The following STK32B variants were observed in gnomAD, a reference collection of about 807,000 sequenced individuals.
The protein encoded by STK32B is serine/threonine-protein kinase 32B.
A neutral mutation model predicts 52.6 loss-of-function variants in STK32B; 43 were observed. The ratio of observed to expected loss-of-function variants is 0.82; its 90% confidence interval spans 0.64 to 1.05. STK32B has a LOEUF of 1.05. STK32B is among the 50% of genes least tolerant of loss of function. The probability of loss-of-function intolerance (pLI) is 0.00; values close to 1 mark genes in which losing one functional copy is unlikely to be tolerated. For synonymous variants in STK32B, 238 were observed against 204.3 expected (o/e 1.17, Z -1.41); for missense variants, 621 against 534.6 (o/e 1.16, Z -1.59).
intron 11 of STK32B, among the ~76,000 whole-genome samples, chr4:5,489,288 G>A (rs114190048): frequency 6.6e-6 from 1 of 152,106 alleles, no homozygotes; most frequent in Non-Finnish European, 1.5e-5. Context: ...ATCATTTCAA[G>A]TTTTTTCTCT....
At chr4:5,373,285 T>C (rs1735374449) in intron 4 of STK32B, among the ~76,000 whole-genome samples, 1 of 152,172 alleles carries the variant, frequency 6.6e-6, no homozygotes, top group African/African-American at 2.4e-5. Context: ...CTGTGGAGAC[T>C]GGCAAGTCCC....
chr4:5,462,990 C>G (rs375376253), intron 9 of STK32B, among the ~76,000 whole-genome samples: 2 of 152,196 alleles, frequency 1.3e-5, no homozygotes, highest in East Asian at 3.9e-4. Context: ...AGGTTTGGGT[C>G]TCTTCTGCCG....
intron 2 of STK32B, among the ~76,000 whole-genome samples, chr4:5,166,905 A>G (rs1161627746): frequency 6.6e-6 from 1 of 152,084 alleles, no homozygotes; most frequent in Admixed American, 6.5e-5. Context: ...AGACTAGCTC[A>G]TACAATCCTT....
At chr4:5,219,743 C>T (rs1326092870) in intron 3 of STK32B, among the ~76,000 whole-genome samples, 2 of 152,188 alleles carry the variant, frequency 1.3e-5, no homozygotes, top group African/African-American at 2.4e-5. Flanking sequence ...GGAAGCAACC[C>T]CAGCTCACTA....
chr4:5,084,841 C>G (rs1712630176), intron 1 of STK32B, among the ~76,000 whole-genome samples: 1 of 152,042 alleles, frequency 6.6e-6, no homozygotes, highest in Non-Finnish European at 1.5e-5. Context: ...ATGCTTATGC[C>G]AGAGGAGACA....
intron 3 of STK32B, among the ~76,000 whole-genome samples, chr4:5,239,912 A>T: frequency 6.6e-6 from 1 of 152,166 alleles, no homozygotes; most frequent in East Asian, 1.9e-4. Flanking sequence ...TATCTCTGCC[A>T]TTCCCTCTGT....
At chr4:5,050,571 C>G (rs973555599), upstream of STK32B, among the ~76,000 whole-genome samples, 1 of 152,092 alleles carries the variant, frequency 6.6e-6, no homozygotes, top group Non-Finnish European at 1.5e-5. Context: ...CACAAAGAAC[C>G]CCTGCTTTCT....
intron 6 of STK32B, among the ~76,000 whole-genome samples, chr4:5,441,831 A>T (rs1714797992): frequency 7.4e-6 from 1 of 135,994 alleles, no homozygotes; most frequent in African/African-American, 2.7e-5. Flanking sequence ...TTCAAAGAAC[A>T]TCTTTATTTC....
chr4:5,386,954 C>T lies in STK32B; in HGVS notation c.435-11253C>T, dbSNP rs995894061. ...CAGAAATAGGAAGCTCTCGAAGAGT[C>T]GCAGCATCTCACAGGCCCAGCCACT... On this transcript the variant is annotated intron_variant, in intron 4 of 11. Transcript: ENST00000282908. This position sits in a 1 kb window ranked among gnomAD's most constrained non-coding sequence, Gnocchi z 4.5. Among the ~76,000 whole-genome samples the T allele has an allele frequency of 6.6e-6, 1 of 152,188 alleles. No homozygotes were observed. Among genetic ancestry groups the T allele is most frequent in the African/African-American group, 2.4e-5 (1 of 41,446 alleles).
intron 3 of STK32B, among the ~76,000 whole-genome samples, chr4:5,324,605 C>G (rs1731751586): frequency 6.6e-6 from 1 of 152,158 alleles, no homozygotes; most frequent in African/African-American, 2.4e-5. Context: ...TTAGCAGCAT[C>G]TCTGGCTCCA....
At chr4:5,065,524 A>G (rs1051552555) in intron 1 of STK32B, among the ~76,000 whole-genome samples, 4 of 152,098 alleles carry the variant, frequency 2.6e-5, no homozygotes, top group Non-Finnish European at 5.9e-5. Flanking sequence ...TGGAAAATAC[A>G]CTGGAAGAAG....
At chr4:5,167,992 T>A (rs1443037458) in intron 2 of STK32B, among the ~76,000 whole-genome samples, 2 of 152,210 alleles carry the variant, frequency 1.3e-5, no homozygotes, top group East Asian at 3.9e-4. Flanking sequence ...TCTATTTTCC[T>A]CGTGGGCTGT....
chr4:5,395,240 C>A lies in STK32B; in HGVS notation c.435-2967C>A, dbSNP rs929301477. 1.3e-5 allele frequency among the ~76,000 whole-genome samples: 2 copies of A among 152,148 alleles called. No individual in the cohort carries two copies. The highest frequency in any genetic ancestry group is 4.8e-5 in the African/African-American group (2 of 41,420). Reference sequence around the variant, plus strand: ...ATAATGTAACATAATCCCGGGACTGCCATCCCACCAAGTTTGCCCTGTAAC... The same window carrying A: ...ATAATGTAACATAATCCCGGGACTGACATCCCACCAAGTTTGCCCTGTAAC... On this transcript the variant is annotated intron_variant, in intron 4 of 11. Transcript: ENST00000282908. This position sits in a 1 kb window ranked among gnomAD's most constrained non-coding sequence, Gnocchi z 4.4.
intron 3 of STK32B, among the ~76,000 whole-genome samples, chr4:5,208,877 C>T (rs369862291): frequency 3.3e-5 from 5 of 152,228 alleles, no homozygotes; most frequent in Admixed American, 6.5e-5. Flanking sequence ...TAAATGATCA[C>T]GATGCCTGAC....
chr4:5,231,259 C>T (rs1193497627), intron 3 of STK32B, among the ~76,000 whole-genome samples: 1 of 152,120 alleles, frequency 6.6e-6, no homozygotes, highest in Non-Finnish European at 1.5e-5. Flanking sequence ...GCCTTGCCTC[C>T]ATGCTGTAGA....
intron 1 of STK32B, among the ~76,000 whole-genome samples, chr4:5,124,162 G>A (rs528886168): frequency 6.6e-6 from 1 of 152,246 alleles, no homozygotes; most frequent in African/African-American, 2.4e-5. Context: ...AACCCCATCA[G>A]CTTGTTGAGT....
intron 1 of STK32B, among the ~76,000 whole-genome samples, chr4:5,119,748 C>T (rs1714923324): frequency 6.6e-6 from 1 of 152,358 alleles, no homozygotes; most frequent in South Asian, 2.1e-4. Context: ...TGAGGAAGGA[C>T]ATCATATGTG....
At position 5,182,090 on chromosome 4, in the gene STK32B, A is replaced by G. The variant is rs1444734713; in HGVS notation, c.260+13640A>G. ...TTCATATGGAGCAGCTTCCATCTTC[A>G]GAAACTACTTTCTTTGTTCATTCAT... On this transcript the variant is annotated intron_variant, in intron 3 of 11. Transcript: ENST00000282908. 2.6e-5 allele frequency among the ~76,000 whole-genome samples: 4 copies of G among 152,248 alleles called. No individual in the cohort carries two copies. In the East Asian group the frequency reaches 7.7e-4, roughly 29 times the overall value.
chr4:5,064,928 T>G (rs1235341313), intron 1 of STK32B, among the ~76,000 whole-genome samples: 1 of 150,672 alleles, frequency 6.6e-6, no homozygotes, highest in Non-Finnish European at 1.5e-5. Flanking sequence ...ATATTATTTA[T>G]TGATGCAATA....
Sources: gnomAD v4.1 joint callset for allele counts (sites outside exome capture counted in the v4.1 genomes callset) on GRCh38, gnomAD v4.1.1 for gene constraint, Gnocchi (gnomAD v3.1) non-coding constraint, MANE v1.5 for transcripts, NCBI Gene and HGNC (gene_info 2026-07-23, HGNC 2026-07-21) for gene names.